Variants in VEGFA observed in about 807,000 individuals in gnomAD.
The protein encoded by VEGFA is vascular endothelial growth factor A, long form.
VEGFA carries 20 observed loss-of-function variants against 49.7 expected under a neutral mutation model. The observed-to-expected ratio is 0.40, with a 90% confidence interval of 0.28 to 0.58. The LOEUF (loss-of-function observed/expected upper bound fraction) is 0.58, where lower values mean the gene tolerates loss of function less well. VEGFA is among the 20% of genes least tolerant of loss of function. VEGFA has a pLI of 0.40. For missense variants in VEGFA, 505 were observed against 553.5 expected (o/e 0.91, Z 0.88); for synonymous variants, 219 against 223.4 (o/e 0.98, Z 0.18).
Position 43,770,656 on chromosome 6 carries a change from G to A in VEGFA, c.-51G>A. ...TGACCTGCTTTTGGGGGTGACCGCCGGAGCGCGGCGTGAGCCCTCCCCCTT... is the reference window on the plus strand; with the variant it reads ...TGACCTGCTTTTGGGGGTGACCGCCAGAGCGCGGCGTGAGCCCTCCCCCTT... On this transcript the variant is annotated 5_prime_UTR_variant, in exon 1 of 8. Transcript: ENST00000672860. 1 of 1,513,328 alleles carries A rather than the reference G, an allele frequency of 6.6e-7. No individual in the cohort carries two copies. The highest frequency in any genetic ancestry group is 1.2e-5 in the South Asian group (1 of 80,458). 93.7% of individuals were successfully genotyped at this position (1,513,328 alleles called of 1,614,324 possible).
rs895003063 is a variant in VEGFA at position 43,786,101 on chromosome 6, C to T, written c.*1539C>T. The T allele has an allele frequency of 5.6e-6, 1 of 179,672 alleles. No individual in the cohort carries two copies. Among genetic ancestry groups the T allele is most frequent in the Non-Finnish European group, 1.2e-5 (1 of 84,184 alleles). 11.1% of individuals were successfully genotyped at this position (179,672 alleles called of 1,614,324 possible). A position where few individuals can be genotyped will look rare whatever the true frequency, so the allele number is the denominator to read the frequency against. On this transcript the variant is annotated 3_prime_UTR_variant, in exon 8 of 8. Transcript: ENST00000672860. ...TCCTTTGAAATAAGGTTTCAATATA[C>T]ATCTACATACTATATATATATTTGG... is the stretch of plus-strand genomic sequence containing the variant.
chr6:43,772,169 G>C (rs1412488861), intron 1 of VEGFA: 1 of 720,712 alleles, frequency 1.4e-6, no homozygotes, highest in Admixed American at 6.3e-5. Flanking sequence ...CCCTACCTCT[G>C]CCCAGTGCTA....
chr6:43,780,747 A>C lies in VEGFA; in HGVS notation c.978A>C (p.Gly326=), dbSNP rs1313157618. ...TATTTTCCAGAAAATCAGTTCGAGG[A>C]AAGGGAAAGGGGCAAAAACGAAAGC... is the stretch of plus-strand genomic sequence containing the variant. Residue 326 remains glycine (G), a synonymous_variant, in exon 6 of 8, where the codon GGA becomes GGC. Transcript: ENST00000672860. 5 of 1,610,568 alleles carry C rather than the reference A, an allele frequency of 3.1e-6. No individual in the cohort carries two copies. The highest frequency in any genetic ancestry group is 3.4e-6 in the Non-Finnish European group (4 of 1,179,036).
chr6:43,786,141 G>GTGTATATATATATATATATGTTTA lies in VEGFA; in HGVS notation c.*1589_*1612dup, dbSNP rs1259885197. On this transcript the variant is annotated 3_prime_UTR_variant, in exon 8 of 8. Transcript: ENST00000672860. ...TATATATTTGGCAACTTGTATTTGT[G>GTGTATATATATATATATATGTTTA]TGTATATATATATATATATGTTTAT... 4 of 178,980 alleles carry GTGTATATATATATATATATGTTTA rather than the reference G, an allele frequency of 2.2e-5. No homozygotes were observed. The highest frequency in any genetic ancestry group is 6.3e-5 in the Admixed American group (1 of 15,870). 11.1% of individuals were successfully genotyped at this position (178,980 alleles called of 1,614,324 possible). A position where few individuals can be genotyped will look rare whatever the true frequency, so the allele number is the denominator to read the frequency against.
At chr6:43,778,361 G>GA (rs1766160242) in intron 3 of VEGFA, 99 bp from the exon 4 acceptor site, 2 of 1,040,842 alleles carry the variant, frequency 1.9e-6, no homozygotes, top group Non-Finnish European at 3.0e-6. Context: ...CTGCTCTGCA[G>GA]AACCCCTGGG....
intron 3 of VEGFA, 52 bp from the exon 4 acceptor site, chr6:43,778,408 G>A (rs1424158644): frequency 2.6e-6 from 4 of 1,541,798 alleles, no homozygotes; most frequent in Admixed American, 1.7e-5. Context: ...GTCCCATCTG[G>A]GTATGGCTGG....
intron 7 of VEGFA, 122 bp from the exon 8 acceptor site, chr6:43,784,419 G>C (rs2128061953): frequency 2.1e-6 from 2 of 935,508 alleles, no homozygotes; most frequent in East Asian, 4.8e-5. Context: ...TGTCCTCTCT[G>C]CTCTTATGGT....
intron 2 of VEGFA, chr6:43,776,642 C>G (rs1765530352): frequency 6.5e-6 from 1 of 152,704 alleles, no homozygotes; most frequent in Non-Finnish European, 1.5e-5. Flanking sequence ...AGGGCTGGCA[C>G]AGCGTGTCCG....
intron 6 of VEGFA, chr6:43,781,202 A>G: frequency 2.4e-6 from 1 of 419,846 alleles, no homozygotes; most frequent in Non-Finnish European, 4.5e-6. Flanking sequence ...TGGGGAGGGC[A>G]GACATGGCCC....
intron 1 of VEGFA, chr6:43,771,980 A>C: frequency 1.0e-6 from 1 of 983,772 alleles, no homozygotes. Context: ...GGAGCCGATT[A>C]CATCAGCCCG....
chr6:43,774,412 G>C lies in VEGFA; in HGVS notation c.658+20G>C. The C allele has an allele frequency of 1.9e-6, 3 of 1,614,154 alleles. No individual in the cohort carries two copies. The highest frequency in any genetic ancestry group is 2.5e-6 in the Non-Finnish European group (3 of 1,179,970). On this transcript the variant is annotated intron_variant, in intron 2 of 7. Coordinates refer to ENST00000672860, the MANE Select transcript of VEGFA (RefSeq NM_003376.6). ...ACGAAGGTGAGTCCCCCTGGCTGTTGGATGGGGTTCCCTGTCCTCTCAGGG... is the reference window on the plus strand; with the variant it reads ...ACGAAGGTGAGTCCCCCTGGCTGTTCGATGGGGTTCCCTGTCCTCTCAGGG...
At chr6:43,774,195 G>C in intron 1 of VEGFA, 146 bp from the exon 2 acceptor site, 1 of 811,964 alleles carries the variant, frequency 1.2e-6, no homozygotes, top group Non-Finnish European at 2.1e-6. Flanking sequence ...GGGGACCCCC[G>C]GTTGTGTCCT....
Position 43,784,677 on chromosome 6 carries a change from C to A in VEGFA, c.*115C>A, listed in dbSNP as rs774672415. On this transcript the variant is annotated 3_prime_UTR_variant, in exon 8 of 8. Coordinates refer to ENST00000672860, the MANE Select transcript of VEGFA (RefSeq NM_003376.6). Reference sequence around the variant, plus strand: ...CACGCTGCCGCCACCACACCATCACCATCGACAGAACAGTCCTTAATCCAG... The same window carrying A: ...CACGCTGCCGCCACCACACCATCACAATCGACAGAACAGTCCTTAATCCAG... 3.8e-6 allele frequency: 6 copies of A among 1,560,856 alleles called. No homozygotes were observed. Among genetic ancestry groups the A allele is most frequent in the Non-Finnish European group, 5.3e-6 (6 of 1,131,840 alleles).
chr6:43,782,154 AAG>A (rs1226418560), intron 7 of VEGFA, 67 bp downstream of exon 7: 1 of 1,592,406 alleles, frequency 6.3e-7, no homozygotes, highest in Non-Finnish European at 8.6e-7. Flanking sequence ...GAGAGAGAGA[AAG>A]AGAGTGAGCG....
chr6:43,780,849 C>T (rs377581354), intron 6 of VEGFA, 46 bp downstream of exon 6: 12 of 1,613,304 alleles, frequency 7.4e-6, no homozygotes, highest in Admixed American at 1.7e-5. Context: ...GCCTCCCTGG[C>T]CCCCAGTACA....
chr6:43,780,633 T>G (rs1393198555), intron 5 of VEGFA, 99 bp from the exon 6 acceptor site: 3 of 1,550,808 alleles, frequency 1.9e-6, no homozygotes, highest in Non-Finnish European at 2.6e-6. Flanking sequence ...CCTGTGTGGC[T>G]TTGCTTTGGT....
At position 43,771,155 on chromosome 6, in the gene VEGFA, C is replaced by T; in HGVS notation, c.449C>T (p.Ala150Val). ...GCCTCGGGCCGGGGAGGAAGAGTAG[C>T]TCGCCGAGGCGCCGAGGAGAGCGGG... Residue 150 changes from alanine (A) to valine (V), a missense_variant, in exon 1 of 8, where the codon GCT becomes GTT. Transcript: ENST00000672860. The T allele has an allele frequency of 9.7e-6, 15 of 1,545,496 alleles. No homozygotes were observed. Among genetic ancestry groups the T allele is most frequent in the Non-Finnish European group, 1.3e-5 (15 of 1,149,708 alleles).
intron 2 of VEGFA, 101 bp downstream of exon 2, chr6:43,774,493 G>A: frequency 1.5e-6 from 2 of 1,375,228 alleles, no homozygotes; most frequent in Non-Finnish European, 2.1e-6. Flanking sequence ...GAAGGGGAAG[G>A]GGCACAGGAA....
Position 43,786,425 on chromosome 6 carries a change from A to C in VEGFA, c.*1863A>C, listed in dbSNP as rs1769456843. On this transcript the variant is annotated 3_prime_UTR_variant, in exon 8 of 8. Coordinates refer to ENST00000672860, the MANE Select transcript of VEGFA (RefSeq NM_003376.6). Reference sequence around the variant, plus strand: ...TTTATTTTTAAACAACGACAAAGAAATACAGATATATCTTAAAAAAAAAAA... The same window carrying C: ...TTTATTTTTAAACAACGACAAAGAACTACAGATATATCTTAAAAAAAAAAA... 1.2e-5 allele frequency: 2 copies of C among 172,174 alleles called. No individual in the cohort carries two copies. Among genetic ancestry groups the C allele is most frequent in the Admixed American group, 1.3e-4 (2 of 15,702 alleles). The allele number at this position is 172,174 out of a possible 1,614,324, so 10.7% of individuals were successfully genotyped here.
Sources: gnomAD v4.1 joint callset for allele counts on GRCh38, gnomAD v4.1.1 for gene constraint, MANE v1.5 for transcripts, NCBI Gene and HGNC (gene_info 2026-07-23, HGNC 2026-07-21) for gene names.